Variants in ATRNL1 observed in about 807,000 individuals in gnomAD.
ATRNL1 encodes attractin-like protein 1.
A neutral mutation model predicts 182.7 loss-of-function variants in ATRNL1; 95 were observed. That is an observed-to-expected ratio of 0.52 (90% confidence interval 0.44 to 0.62). The LOEUF (loss-of-function observed/expected upper bound fraction) is 0.62. Ranked by LOEUF, ATRNL1 falls within the 20% of genes least tolerant of loss-of-function variation. The probability of loss-of-function intolerance (pLI) is 0.00; values close to 1 mark genes in which losing one functional copy is unlikely to be tolerated. For synonymous variants in ATRNL1, 576 were observed against 568.3 expected (o/e 1.01, Z -0.19); for missense variants, 1,471 against 1,679.5 (o/e 0.88, Z 2.17).
chr10:115,230,021 TTG>T (rs1248701869), intron 9 of ATRNL1, among the ~76,000 whole-genome samples: 1 of 152,210 alleles, frequency 6.6e-6, no homozygotes, highest in Non-Finnish European at 1.5e-5. Flanking sequence ...ATTCTTAATA[TTG>T]TGTTATTTCC....
At chr10:115,429,755 CTA>C (rs1846061734) in intron 21 of ATRNL1, among the ~76,000 whole-genome samples, 1 of 152,002 alleles carries the variant, frequency 6.6e-6, no homozygotes, top group Non-Finnish European at 1.5e-5. Flanking sequence ...ACTAAATGAC[CTA>C]TGACTGCAGT....
intron 26 of ATRNL1, among the ~76,000 whole-genome samples, chr10:115,671,318 A>G (rs913534386): frequency 1.3e-5 from 2 of 152,290 alleles, no homozygotes; most frequent in South Asian, 4.1e-4. Flanking sequence ...TCTGCAAGAT[A>G]GACTCCAGAA....
At chr10:115,449,781 G>GA (rs1847195893) in intron 21 of ATRNL1, among the ~76,000 whole-genome samples, 1 of 152,112 alleles carries the variant, frequency 6.6e-6, no homozygotes, top group African/African-American at 2.4e-5. Context: ...AAGGGTCAGG[G>GA]AAAATGTTCT....
intron 26 of ATRNL1, among the ~76,000 whole-genome samples, chr10:115,559,449 C>CGCGCGT (rs1302310025): frequency 3.3e-5 from 4 of 121,562 alleles, no homozygotes; most frequent in East Asian, 2.6e-4. Flanking sequence ...TGTGTGCGCG[C>CGCGCGT]GCGCACGCAC....
intron 24 of ATRNL1, among the ~76,000 whole-genome samples, chr10:115,478,947 A>G (rs963035783): frequency 6.6e-6 from 1 of 151,566 alleles, no homozygotes; most frequent in Non-Finnish European, 1.5e-5. Context: ...TTATTAATTT[A>G]TTCTGTAAAA....
chr10:115,235,227 T>C (rs1370858594), intron 9 of ATRNL1, among the ~76,000 whole-genome samples: 1 of 152,198 alleles, frequency 6.6e-6, no homozygotes, highest in African/African-American at 2.4e-5. Flanking sequence ...GAAAAAACCT[T>C]TTTTATTGAG....
intron 20 of ATRNL1, among the ~76,000 whole-genome samples, chr10:115,397,332 C>A (rs1426198931): frequency 6.6e-6 from 1 of 151,972 alleles, no homozygotes; most frequent in African/African-American, 2.4e-5. Flanking sequence ...ACCCCTTCCA[C>A]TTCTTAGGAT....
At chr10:115,714,579 T>G (rs1565311794) in intron 26 of ATRNL1, among the ~76,000 whole-genome samples, 1 of 152,168 alleles carries the variant, frequency 6.6e-6, no homozygotes, top group Non-Finnish European at 1.5e-5. Context: ...TTTTTACTTT[T>G]TAACTTGTTC....
chr10:115,153,337 T>C (rs1401130312), intron 5 of ATRNL1, among the ~76,000 whole-genome samples: 4 of 152,214 alleles, frequency 2.6e-5, no homozygotes, highest in Middle Eastern at 3.4e-3. Flanking sequence ...GCTGTGAATG[T>C]GTCTGGTCCT....
At chr10:115,452,406 G>A (rs1167230773) in intron 21 of ATRNL1, among the ~76,000 whole-genome samples, 1 of 151,820 alleles carries the variant, frequency 6.6e-6, no homozygotes, top group Non-Finnish European at 1.5e-5. Flanking sequence ...TTAATATTTA[G>A]GTCTTTAATT....
At chr10:115,599,523 A>G (rs1455855969) in intron 26 of ATRNL1, among the ~76,000 whole-genome samples, 2 of 112,330 alleles carry the variant, frequency 1.8e-5, no homozygotes, top group Non-Finnish European at 3.9e-5. Flanking sequence ...AGTAAAGTAA[A>G]CCCGGATTTT....
intron 24 of ATRNL1, among the ~76,000 whole-genome samples, chr10:115,486,619 A>C (rs1849039759): frequency 6.6e-6 from 1 of 151,886 alleles, no homozygotes; most frequent in African/African-American, 2.4e-5. Context: ...ATTTGTTTAA[A>C]TTCCTTGTAG....
intron 5 of ATRNL1, among the ~76,000 whole-genome samples, chr10:115,149,156 A>C (rs2143883269): frequency 6.6e-6 from 1 of 152,184 alleles, no homozygotes. Flanking sequence ...TCCCACCCTA[A>C]TCTTTTATTA....
At chr10:115,677,411 C>G (rs1439322532) in intron 26 of ATRNL1, among the ~76,000 whole-genome samples, 1 of 152,002 alleles carries the variant, frequency 6.6e-6, no homozygotes, top group African/African-American at 2.4e-5. Flanking sequence ...TTTGGCTGTG[C>G]CCCCACCCAA....
intron 26 of ATRNL1, among the ~76,000 whole-genome samples, chr10:115,698,671 G>A (rs1946638139): frequency 1.3e-5 from 2 of 151,912 alleles, no homozygotes; most frequent in African/African-American, 2.4e-5. Flanking sequence ...CCAGCTACTC[G>A]GGAGGCTGAG....
chr10:115,360,642 C>T (rs1274988647), intron 19 of ATRNL1, among the ~76,000 whole-genome samples: 1 of 150,016 alleles, frequency 6.7e-6, no homozygotes. Context: ...ATTTTTGAGG[C>T]CTTCTTAGTC....
intron 28 of ATRNL1, among the ~76,000 whole-genome samples, chr10:115,912,190 A>C (rs2134527700): frequency 6.6e-6 from 1 of 152,318 alleles, no homozygotes; most frequent in Non-Finnish European, 1.5e-5. Context: ...AATTTTACAA[A>C]CAAATGATAA....
At chr10:115,414,557 T>C (rs1453905283) in intron 20 of ATRNL1, among the ~76,000 whole-genome samples, 2 of 151,964 alleles carry the variant, frequency 1.3e-5, no homozygotes, top group East Asian at 3.9e-4. Context: ...ATTAATAACC[T>C]GAAACTACTT....
At chr10:115,772,615 G>GTGTGTT (rs1231308522) in intron 27 of ATRNL1, among the ~76,000 whole-genome samples, 1 of 151,520 alleles carries the variant, frequency 6.6e-6, no homozygotes, top group African/African-American at 2.4e-5. Flanking sequence ...GTGTGTGTGT[G>GTGTGTT]TGTGTGTGTG....
Sources: allele counts gnomAD v4.1 joint callset (sites outside exome capture counted in the v4.1 genomes callset), GRCh38; gene constraint gnomAD v4.1.1; transcripts MANE v1.5; gene names NCBI Gene and HGNC (gene_info 2026-07-23, HGNC 2026-07-21).